The following ASPG variants were observed in gnomAD, a reference collection of about 807,000 sequenced individuals.
The protein encoded by ASPG is asparaginase.
A neutral mutation model predicts 63.2 loss-of-function variants in ASPG; 53 were observed. That is an observed-to-expected ratio of 0.84 (90% confidence interval 0.67 to 1.05). ASPG has a LOEUF of 1.05. ASPG is among the 50% of genes least tolerant of loss of function. The probability of loss-of-function intolerance (pLI) is 0.00; values close to 1 mark genes in which losing one functional copy is unlikely to be tolerated. For synonymous variants in ASPG, 370 were observed against 355.0 expected, an observed-to-expected ratio of 1.04 and a Z score of -0.48; for missense variants, 741 against 794.4, an observed-to-expected ratio of 0.93 and a Z score of 0.81.
chr14:104,108,335 T>C, intron 12 of ASPG: 4 of 900,020 alleles, frequency 4.4e-6, no homozygotes, highest in Non-Finnish European at 5.3e-6. Flanking sequence ...TCCTTGGGTG[T>C]GGGTGGGTGG....
At chr14:104,095,720 G>A (rs879405371) in intron 4 of ASPG, 64 bp downstream of exon 4, 281 of 1,595,604 alleles carry the variant, frequency 1.8e-4, no homozygotes, top group Non-Finnish European at 2.3e-4. Context: ...GCAAGTCAGC[G>A]CTGTGGGCGG....
Position 104,109,873 on chromosome 14 carries a change from C to T in ASPG, c.1520+558C>T. ...CAGTGTGCCTTCCGATCTCATGCTG[C>T]CGAGTGACCACCGAGGCAGGCTCAG... On this transcript the variant is annotated intron_variant, in intron 13 of 15. Coordinates refer to ENST00000551177, the MANE Select transcript of ASPG (RefSeq NM_001080464.3). This position sits in a 1 kb window ranked among gnomAD's most constrained non-coding sequence, Gnocchi z 4.8. The T allele has an allele frequency of 1.2e-6, 1 of 867,088 alleles. No homozygotes were observed. Among genetic ancestry groups the T allele is most frequent in the Non-Finnish European group, 1.4e-6 (1 of 722,210 alleles). 53.7% of individuals were successfully genotyped at this position (867,088 alleles called of 1,614,324 possible).
At position 104,109,329 on chromosome 14, in the gene ASPG, G is replaced by C. The variant is rs767722987; in HGVS notation, c.1520+14G>C. On this transcript the variant is annotated intron_variant, in intron 13 of 15. Coordinates refer to ENST00000551177, the MANE Select transcript of ASPG (RefSeq NM_001080464.3). This position sits in a 1 kb window ranked among gnomAD's most constrained non-coding sequence, Gnocchi z 4.8. ...GGAGCTGTGCAGGTGAGTGCAGCTA[G>C]AGCACCTGCTCTTCCAGGGATGTGG... 2.5e-6 allele frequency: 4 copies of C among 1,597,806 alleles called. No individual in the cohort carries two copies. Among genetic ancestry groups the C allele is most frequent in the South Asian group, 2.3e-5 (2 of 88,520 alleles).
At chr14:104,098,295 G>A (rs1464989085) in intron 5 of ASPG, among the ~76,000 whole-genome samples, 2 of 152,304 alleles carry the variant, frequency 1.3e-5, no homozygotes, top group East Asian at 1.9e-4. Flanking sequence ...TCTGAAGGGT[G>A]TCACTTTCCC....
intron 1 of ASPG, among the ~76,000 whole-genome samples, chr14:104,087,655 G>A (rs959638862): frequency 2.6e-5 from 4 of 152,196 alleles, no homozygotes; most frequent in African/African-American, 4.8e-5. Flanking sequence ...GGCCTCGTCC[G>A]ACGCCCCTGA....
At chr14:104,105,706 C>T (rs1373256188) in intron 10 of ASPG, among the ~76,000 whole-genome samples, 1 of 152,180 alleles carries the variant, frequency 6.6e-6, no homozygotes, top group African/African-American at 2.4e-5. Flanking sequence ...GGCGGCGCTG[C>T]CTTAGTGCGG....
chr14:104,086,338 GCTAC>G (rs1477245789), intron 1 of ASPG, among the ~76,000 whole-genome samples: 1 of 152,198 alleles, frequency 6.6e-6, no homozygotes, highest in South Asian at 2.1e-4. Context: ...CGATACTGGG[GCTAC>G]CTGGCATCTG....
chr14:104,110,169 TG>T lies in ASPG; in HGVS notation c.1520+858del. The T allele has an allele frequency of 2.0e-6, 2 of 983,744 alleles. No homozygotes were observed. The highest frequency in any genetic ancestry group is 2.4e-6 in the Non-Finnish European group (2 of 829,528). 60.9% of individuals were successfully genotyped at this position (983,744 alleles called of 1,614,324 possible). ...ACCTGGGCCGGGTGCAGGTGGTGGC[TG>T]GGGTGGGGGTGCTGTGAGTGGTGGG... On this transcript the variant is annotated intron_variant, in intron 13 of 15. Transcript: ENST00000551177. The surrounding 1 kb of genome is among the most constrained non-coding windows in gnomAD (Gnocchi z 4.7).
chr14:104,093,513 A>T lies in ASPG; in HGVS notation c.214A>T (p.Ile72Phe). The T allele has an allele frequency of 6.2e-7, 1 of 1,612,588 alleles. No individual in the cohort carries two copies. The highest frequency in any genetic ancestry group is 8.5e-7 in the Non-Finnish European group (1 of 1,179,780). The change falls in exon 3 of 16, where the codon ATT (isoleucine) becomes TTT (phenylalanine). Residue 72 changes from isoleucine to phenylalanine, a missense_variant. Ile to Phe is a conservative substitution (Grantham distance 21). Transcript: ENST00000551177. ...CAGCCCGGCCAGCCGCAACCAGAGG[A>T]TTCTCTACACCGTGCTGGAGTGCCA... ...VLPPASRNQRILYTVLECQPL... is the reference protein window; with the variant it reads ...VLPPASRNQRFLYTVLECQPL...
In ASPG at chr14:104,104,684, G is replaced by A. The variant is rs1302497450; in HGVS notation, c.999G>A (p.Lys333=). ...TGACATCGGAGGCCGCCCTGGCCAAGCTATCGTATGTGCTGGGCCAGCCAG... is the reference window on the plus strand; with the variant it reads ...TGACATCGGAGGCCGCCCTGGCCAAACTATCGTATGTGCTGGGCCAGCCAG... ...FDMTSEAALA[K]LSYVLGQPGL... is the part of the protein sequence containing the mutation. Residue 333 remains lysine, a synonymous_variant, in exon 9 of 16, where the codon AAG becomes AAA. Coordinates refer to ENST00000551177, the MANE Select transcript of ASPG (RefSeq NM_001080464.3). 1.9e-6 allele frequency: 3 copies of A among 1,611,276 alleles called. No homozygotes were observed.
chr14:104,087,637 CTGTG>C (rs1365031090), intron 1 of ASPG, among the ~76,000 whole-genome samples: 1 of 152,218 alleles, frequency 6.6e-6, no homozygotes, highest in Non-Finnish European at 1.5e-5. Flanking sequence ...CCTGGGGACT[CTGTG>C]TGGGGCCTCG....
intron 10 of ASPG, among the ~76,000 whole-genome samples, chr14:104,105,675 C>T (rs545647088): frequency 1.0e-3 from 154 of 152,308 alleles, no homozygotes; most frequent in African/African-American, 3.6e-3. Flanking sequence ...GGTGGGCACA[C>T]AGCAGGGAGG....
chr14:104,096,777 C>T (rs1379189030), intron 4 of ASPG, among the ~76,000 whole-genome samples: 2 of 152,200 alleles, frequency 1.3e-5, no homozygotes, highest in Non-Finnish European at 2.9e-5. Flanking sequence ...GGCTCACCCA[C>T]AGCCACGTAC....
chr14:104,103,537 C>T, intron 6 of ASPG, 26 bp from the exon 7 acceptor site: 1 of 1,538,658 alleles, frequency 6.5e-7, no homozygotes, highest in Non-Finnish European at 8.8e-7. Context: ...CCTGAAGGCA[C>T]CACACAGGCC....
At chr14:104,111,223 A>G in intron 13 of ASPG, 1 of 967,730 alleles carries the variant, frequency 1.0e-6, no homozygotes, top group Non-Finnish European at 1.2e-6. Context: ...GTGTGTGTAC[A>G]TGTATGCTGC....
rs775400421 is a variant in ASPG, at chr14:104,098,946, C to T, written c.607C>T (p.Leu203=). ...RFAAFCSPNL[L]PLATVGADIT... ...CGCAGCTTTCTGCTCCCCGAACCTG[C>T]TGCCTCTGGCCACAGTGGGTGCTGA... The change falls in exon 6 of 16, where the codon CTG becomes TTG. Residue 203 remains leucine (L), a synonymous_variant. Transcript: ENST00000551177. 1 of 1,601,502 alleles carries T rather than the reference C, an allele frequency of 6.2e-7. No homozygotes were observed. The highest frequency in any genetic ancestry group is 8.5e-7 in the Non-Finnish European group (1 of 1,174,984).
intron 1 of ASPG, among the ~76,000 whole-genome samples, 179 bp from the exon 2 acceptor site, chr14:104,092,454 G>T (rs1374423813): frequency 6.6e-6 from 1 of 152,150 alleles, no homozygotes; most frequent in Non-Finnish European, 1.5e-5. Flanking sequence ...TTCCAAACGC[G>T]GGTCAGCCGC....
At position 104,111,551 on chromosome 14, in the gene ASPG, G is replaced by C; in HGVS notation, c.1570G>C (p.Gly524Arg). The change falls in exon 14 of 16, where the codon GGG becomes CGG. Residue 524 changes from glycine to arginine, a missense_variant. By Grantham distance (125) the Gly-to-Arg change is moderately radical. Transcript: ENST00000551177. ...AGGCCTGCAGGTGTGGTGGCAGGCA[G>C]GGGCTGACCTGGGGCAGCCGGGCTA... ...LEGLQVWWQA[G>R]ADLGQPGYDG... 6.4e-7 allele frequency: 1 copy of C among 1,552,466 alleles called. No individual in the cohort carries two copies. The highest frequency in any genetic ancestry group is 1.2e-5 in the South Asian group (1 of 84,090).
intron 6 of ASPG, among the ~76,000 whole-genome samples, chr14:104,101,464 G>A (rs1299518629): frequency 1.3e-5 from 2 of 152,138 alleles, no homozygotes; most frequent in African/African-American, 2.4e-5. Flanking sequence ...TCGGCTCGGC[G>A]CCAAGGGGTG....
Sources: allele counts gnomAD v4.1 joint callset (sites outside exome capture counted in the v4.1 genomes callset), GRCh38; gene constraint gnomAD v4.1.1; non-coding constraint Gnocchi (gnomAD v3.1); transcripts MANE v1.5; gene names NCBI Gene and HGNC (gene_info 2026-07-23, HGNC 2026-07-21).